The following SGCZ variants were observed in gnomAD, a reference collection of about 807,000 sequenced individuals.
SGCZ encodes sarcoglycan zeta.
A neutral mutation model predicts 41.3 loss-of-function variants in SGCZ; 40 were observed. The ratio of observed to expected loss-of-function variants is 0.97; its 90% CI spans 0.75 to 1.26. The LOEUF is 1.26. Ranked by LOEUF, SGCZ falls within the 50% of genes most tolerant of loss-of-function variation. SGCZ has a pLI of 0.00. For missense variants in SGCZ, 552 were observed against 369.8 expected (o/e 1.49, Z -4.04); for synonymous variants, 206 against 137.5 (o/e 1.50, Z -3.49).
intron 1 of SGCZ, among the ~76,000 whole-genome samples, chr8:14,942,236 C>A (rs1563379503): frequency 6.6e-6 from 1 of 151,990 alleles, no homozygotes; most frequent in Non-Finnish European, 1.5e-5. Context: ...TCATGTTCAA[C>A]CAAGGGAGAC....
Position 14,324,103 on chromosome 8 carries a change from C to T in SGCZ, c.336G>A (p.Lys112=), listed in dbSNP as rs1339406837. ...PLYVKEIHSR[K]DSPLVLQSDR... ...GTAAGCCAAAGCCAGTATCACATAC[C>T]TTTCGAGAATGAATTTCTTTCACAT... The change falls in exon 3 of 8, where the codon AAG becomes AAA. Residue 112 remains lysine (K), a splice_region_variant and synonymous_variant. Transcript: ENST00000382080. The T allele has an allele frequency of 6.2e-7, 1 of 1,605,824 alleles. No individual in the cohort carries two copies.
At chr8:14,556,483 G>A (rs779331541) in intron 1 of SGCZ, among the ~76,000 whole-genome samples, 10 of 151,812 alleles carry the variant, frequency 6.6e-5, no homozygotes, top group Non-Finnish European at 1.5e-4. Context: ...GTGATATTTG[G>A]TTACATGAGT....
At chr8:14,266,235 A>C (rs928960610) in intron 3 of SGCZ, among the ~76,000 whole-genome samples, 1 of 152,104 alleles carries the variant, frequency 6.6e-6, no homozygotes, top group African/African-American at 2.4e-5. Flanking sequence ...CCAAAATGTA[A>C]TGATCCATTA....
chr8:14,154,684 G>C (rs1052841825), intron 5 of SGCZ, among the ~76,000 whole-genome samples: 2 of 152,098 alleles, frequency 1.3e-5, no homozygotes, highest in South Asian at 2.1e-4. Flanking sequence ...AAGTTCTTTA[G>C]CGCTCCTTTT....
intron 1 of SGCZ, among the ~76,000 whole-genome samples, chr8:15,139,757 C>G (rs1268867538): frequency 1.3e-5 from 2 of 152,238 alleles, no homozygotes; most frequent in East Asian, 3.9e-4. Flanking sequence ...GTCCTCAGAC[C>G]TACACCTCTC....
At chr8:14,335,085 T>A (rs1449117661) in intron 2 of SGCZ, among the ~76,000 whole-genome samples, 4 of 152,096 alleles carry the variant, frequency 2.6e-5, no homozygotes, top group Admixed American at 2.6e-4. Context: ...CTCCTTGGGA[T>A]TAGGCAGCAA....
intron 2 of SGCZ, among the ~76,000 whole-genome samples, chr8:14,554,400 A>C (rs1398042188): frequency 6.6e-6 from 1 of 152,060 alleles, no homozygotes; most frequent in African/African-American, 2.4e-5. Context: ...ATCACTTCTA[A>C]AAGCAGGCTA....
intron 1 of SGCZ, among the ~76,000 whole-genome samples, chr8:14,612,845 C>T (rs963781629): frequency 1.1e-4 from 17 of 152,066 alleles, no homozygotes; most frequent in Admixed American, 9.8e-4. Context: ...GCCATCACAC[C>T]CAGCTAATTT....
At chr8:14,865,773 A>G (rs1406535891) in intron 1 of SGCZ, among the ~76,000 whole-genome samples, 1 of 152,114 alleles carries the variant, frequency 6.6e-6, no homozygotes, top group Non-Finnish European at 1.5e-5. Context: ...TCTTTTTTAC[A>G]AGCACTTAGG....
At chr8:14,916,996 A>T (rs1318104623) in intron 1 of SGCZ, among the ~76,000 whole-genome samples, 1 of 152,174 alleles carries the variant, frequency 6.6e-6, no homozygotes, top group Non-Finnish European at 1.5e-5. Context: ...ATGACTTTGT[A>T]TAAAGTAATA....
chr8:14,406,399 T>G (rs774226775), intron 2 of SGCZ, among the ~76,000 whole-genome samples: 1 of 152,198 alleles, frequency 6.6e-6, no homozygotes, highest in Non-Finnish European at 1.5e-5. Context: ...ATGTTTTAAA[T>G]TATTTTCTGC....
intron 4 of SGCZ, among the ~76,000 whole-genome samples, chr8:14,189,139 G>A (rs997033661): frequency 2.0e-5 from 3 of 151,808 alleles, no homozygotes; most frequent in Non-Finnish European, 4.4e-5. Flanking sequence ...GATTACAGGC[G>A]TGAGCCACTG....
intron 3 of SGCZ, among the ~76,000 whole-genome samples, chr8:14,269,996 T>C (rs1800006301): frequency 6.6e-6 from 1 of 152,150 alleles, no homozygotes; most frequent in South Asian, 2.1e-4. Flanking sequence ...GGAATAAATA[T>C]TTGATGACAC....
chr8:14,487,876 G>C (rs1239289030), intron 2 of SGCZ: 2 of 149,712 alleles, frequency 1.3e-5, no homozygotes, highest in African/African-American at 4.9e-5. Context: ...CAACCGAAGT[G>C]AGCGTCTTAA....
intron 2 of SGCZ, among the ~76,000 whole-genome samples, chr8:14,396,599 A>G (rs1307995152): frequency 6.6e-6 from 1 of 152,050 alleles, no homozygotes; most frequent in African/African-American, 2.4e-5. Context: ...GACAAGATAG[A>G]CAAGGCCACC....
At chr8:14,629,139 C>A (rs1877012) in intron 1 of SGCZ, among the ~76,000 whole-genome samples, 50,573 of 151,880 alleles carry the variant, frequency 0.33, 8,730 homozygotes, top group East Asian at 0.63. Flanking sequence ...GCCCCTATAT[C>A]CAGGTAGTCA....
intron 1 of SGCZ, among the ~76,000 whole-genome samples, chr8:14,919,924 T>A (rs1321547916): frequency 3.3e-5 from 5 of 152,074 alleles, no homozygotes; most frequent in Non-Finnish European, 7.4e-5. Flanking sequence ...TTTTTTTTGT[T>A]TTGTTTTGTT....
At chr8:14,094,577 A>G (rs534530151) in intron 7 of SGCZ, among the ~76,000 whole-genome samples, 2 of 152,282 alleles carry the variant, frequency 1.3e-5, no homozygotes, top group South Asian at 4.1e-4. Context: ...GCTATTGTGA[A>G]CAGTGCCACA....
chr8:14,528,745 G>T (rs1274795077), intron 2 of SGCZ, among the ~76,000 whole-genome samples: 1 of 150,176 alleles, frequency 6.7e-6, no homozygotes, highest in Non-Finnish European at 1.5e-5. Context: ...TCTATTTCTG[G>T]GCTGCCTCCT....
Sources: allele counts gnomAD v4.1 joint callset (sites outside exome capture counted in the v4.1 genomes callset), GRCh38; gene constraint gnomAD v4.1.1; transcripts MANE v1.5; gene names NCBI Gene and HGNC (gene_info 2026-07-23, HGNC 2026-07-21).